The following AFF1 variants were observed in gnomAD, a reference collection of about 807,000 sequenced individuals.
AFF1 encodes the protein AF4/FMR2 family member 1.
In AFF1, 48 loss-of-function variants were observed where a neutral mutation model predicts 121.7. The ratio of observed to expected loss-of-function variants is 0.39; its 90% confidence interval spans 0.31 to 0.50. The LOEUF is 0.50. Among genes scored for constraint, AFF1 ranks in the 20% least tolerant of loss-of-function variants. The pLI is 0.76. For missense variants in AFF1, 1,523 were observed against 1,511.7 expected (o/e 1.01, Z -0.12); for synonymous variants, 613 against 563.0 (o/e 1.09, Z -1.26).
Position 87,043,690 on chromosome 4 carries a change from G to T in AFF1, c.39-2476G>T, listed in dbSNP as rs1730380857. On this transcript the variant is annotated intron_variant, in intron 2 of 20. Transcript: ENST00000395146. The stretch of plus-strand genomic sequence containing the variant: ...CTGGTTCAGCAGCTTCTTCTTTTCA[G>T]TATTTTGACTGGCATAAATTATTAA... Among the ~76,000 whole-genome samples the T allele has an allele frequency of 2.0e-5, 3 of 152,164 alleles. No homozygotes were observed. The South Asian group carries it at 6.2e-4, about 31-fold the overall frequency.
intron 2 of AFF1, among the ~76,000 whole-genome samples, chr4:87,043,080 G>T (rs532408612): frequency 3.3e-4 from 50 of 152,326 alleles, no homozygotes; most frequent in African/African-American, 1.2e-3. Context: ...TTGGATCCTG[G>T]ACTGAGAATT....
At chr4:87,005,077 AG>A (rs1474343524) in intron 2 of AFF1, among the ~76,000 whole-genome samples, 112 of 152,276 alleles carry the variant, frequency 7.4e-4, no homozygotes, top group African/African-American at 2.6e-3. Flanking sequence ...GCACAATCTC[AG>A]CTCACTGCAA....
rs1413712857 is a variant in AFF1, at chr4:87,077,891, G to A, written c.1060-6229G>A. On this transcript the variant is annotated intron_variant, in intron 4 of 20. Transcript: ENST00000395146. Reference sequence around the variant, plus strand: ...TAGTTTTCATAGTCAGTTACCTGTAGATACACATTTAGATTGTTTCCAGTA... The same window carrying A: ...TAGTTTTCATAGTCAGTTACCTGTAAATACACATTTAGATTGTTTCCAGTA... 2.0e-5 allele frequency among the ~76,000 whole-genome samples: 3 copies of A among 152,160 alleles called. No individual in the cohort carries two copies. In the East Asian group the frequency reaches 5.8e-4, roughly 29 times the overall value.
intron 2 of AFF1, among the ~76,000 whole-genome samples, chr4:87,011,965 T>C (rs971050565): frequency 1.3e-5 from 2 of 152,234 alleles, no homozygotes; most frequent in African/African-American, 2.4e-5. Flanking sequence ...ATTTACACTC[T>C]TGAAAATGGG....
Position 87,127,097 on chromosome 4 carries a change from G to C in AFF1, c.2883G>C (p.Lys961Asn), listed in dbSNP as rs746090701. 8.7e-6 allele frequency: 14 copies of C among 1,611,698 alleles called. No individual in the cohort carries two copies. Among genetic ancestry groups the C allele is most frequent in the Non-Finnish European group, 1.2e-5 (14 of 1,178,820 alleles). The change falls in exon 15 of 21, where the codon AAG becomes AAC. Residue 961 changes from lysine to asparagine, a missense_variant. By Grantham distance (94) the Lys-to-Asn change is moderately conservative. Transcript: ENST00000395146. ...SLPNGNSKPG[K>N]PQVKFDKQQA... ...CAAATGGTAACTCTAAACCAGGGAA[G>C]CCTCAAGTGAAGTTTGACAAGTAAG...
intron 2 of AFF1, among the ~76,000 whole-genome samples, chr4:86,953,962 C>T (rs1336139374): frequency 2.0e-5 from 3 of 152,108 alleles, no homozygotes; most frequent in Non-Finnish European, 4.4e-5. Context: ...CTACCTGCCT[C>T]GGCCTCTCAA....
chr4:86,995,100 T>G (rs796739187), intron 2 of AFF1, among the ~76,000 whole-genome samples: 29 of 152,118 alleles, frequency 1.9e-4, no homozygotes, highest in East Asian at 5.8e-4. Flanking sequence ...AGGTGTGGTG[T>G]TGTGTGCCTG....
At chr4:87,014,698 TG>T (rs1345858306) in intron 2 of AFF1, among the ~76,000 whole-genome samples, 3 of 152,246 alleles carry the variant, frequency 2.0e-5, no homozygotes, top group Non-Finnish European at 4.4e-5. Context: ...TATGTTTTTG[TG>T]GTCAAGACAG....
intron 2 of AFF1, among the ~76,000 whole-genome samples, chr4:86,986,055 T>TAATTC (rs1445360498): frequency 1.4e-4 from 21 of 149,980 alleles, no homozygotes; most frequent in Non-Finnish European, 2.7e-4. Flanking sequence ...TAATTTAATT[T>TAATTC]AATTTAATTT....
chr4:87,069,816 A>ATTTTTTT (rs751029258), intron 4 of AFF1, among the ~76,000 whole-genome samples: 3 of 121,296 alleles, frequency 2.5e-5, no homozygotes, highest in African/African-American at 9.6e-5. Context: ...ATCACTCAGG[A>ATTTTTTT]TTTTTTTTTT....
At chr4:87,054,638 G>C (rs1214933945) in intron 4 of AFF1, among the ~76,000 whole-genome samples, 2 of 152,208 alleles carry the variant, frequency 1.3e-5, no homozygotes, top group Non-Finnish European at 2.9e-5. Flanking sequence ...AAAGTTATCT[G>C]TGTGCAGAAT....
chr4:87,125,159 A>G lies in AFF1; in HGVS notation c.2573+16A>G. ...CTAAAACAAAGTGAGTATAGAGATT[A>G]GCAACCACCTAATCTACGGTGATCA... On this transcript the variant is annotated intron_variant, in intron 13 of 20. Transcript: ENST00000395146. 6.3e-7 allele frequency: 1 copy of G among 1,590,538 alleles called. No homozygotes were observed. The highest frequency in any genetic ancestry group is 8.6e-7 in the Non-Finnish European group (1 of 1,165,008).
chr4:87,010,452 A>G (rs1307590087), intron 2 of AFF1, among the ~76,000 whole-genome samples: 3 of 152,184 alleles, frequency 2.0e-5, no homozygotes, highest in Non-Finnish European at 4.4e-5. Flanking sequence ...AGACACATTG[A>G]ATATATACTT....
chr4:87,048,512 A>G (rs756986323), intron 4 of AFF1, among the ~76,000 whole-genome samples: 2 of 152,324 alleles, frequency 1.3e-5, no homozygotes, highest in Admixed American at 6.5e-5. Context: ...TGTAAAGTCT[A>G]TGGTTTAGTT....
chr4:87,062,747 TCA>T (rs869141164), intron 4 of AFF1, among the ~76,000 whole-genome samples: 3 of 122,980 alleles, frequency 2.4e-5, no homozygotes, highest in Non-Finnish European at 5.2e-5. Context: ...GATAGAAAAC[TCA>T]TGTGTTCTGT....
In AFF1 at chr4:87,138,788, A is replaced by C. The variant is rs575522596; in HGVS notation, c.*3087A>C. 8.7e-6 allele frequency: 2 copies of C among 230,140 alleles called. No homozygotes were observed. Among genetic ancestry groups the C allele is most frequent in the East Asian group, 1.2e-4 (2 of 16,140 alleles). The allele number at this position is 230,140 out of a possible 1,614,324, so 14.3% of individuals were successfully genotyped here. On this transcript the variant is annotated 3_prime_UTR_variant, in exon 21 of 21. Coordinates refer to ENST00000395146, the MANE Select transcript of AFF1 (RefSeq NM_001166693.3). ...CTGTCTGATATTATGATTTGATTAC[A>C]ATACTGAATGGGAAAAGTATCTAAT...
At chr4:87,047,676 T>C in intron 4 of AFF1, 82 bp downstream of exon 4, 4 of 1,579,240 alleles carry the variant, frequency 2.5e-6, no homozygotes, top group Non-Finnish European at 3.5e-6. Context: ...TGGGGCAAGG[T>C]GGGGAGGTTA....
intron 11 of AFF1, among the ~76,000 whole-genome samples, chr4:87,112,054 A>G (rs1726593949): frequency 6.6e-6 from 1 of 152,200 alleles, no homozygotes; most frequent in South Asian, 2.1e-4. Context: ...AGATATAGCC[A>G]GTGGGTAAGA....
intron 2 of AFF1, among the ~76,000 whole-genome samples, chr4:87,038,325 C>G (rs557590574): frequency 7.9e-5 from 12 of 152,136 alleles, no homozygotes; most frequent in African/African-American, 2.7e-4. Context: ...AAAAAATCTC[C>G]CTTCTTTGAA....
Sources: gnomAD v4.1 joint callset for allele counts (sites outside exome capture counted in the v4.1 genomes callset) on GRCh38, gnomAD v4.1.1 for gene constraint, MANE v1.5 for transcripts, NCBI Gene and HGNC (gene_info 2026-07-23, HGNC 2026-07-21) for gene names.